The following TJP3 variants were observed in gnomAD, a reference collection of about 807,000 sequenced individuals.
TJP3 encodes the protein tight junction protein ZO-3.
Under a neutral mutation model 104.2 loss-of-function variants are expected in TJP3, and 85 were observed. The ratio of observed to expected loss-of-function variants is 0.82; its 90% CI spans 0.68 to 0.98. The LOEUF is 0.98. Ranked by LOEUF, TJP3 falls within the 50% of genes least tolerant of loss-of-function variation. The probability of loss-of-function intolerance (pLI) is 0.00; values close to 1 mark genes in which losing one functional copy is unlikely to be tolerated. For missense variants in TJP3, 1,367 were observed against 1,322.8 expected (o/e 1.03, Z -0.52); for synonymous variants, 550 against 550.6 (o/e 1.00, Z 0.02).
At position 3,736,255 on chromosome 19, in the gene TJP3, G is replaced by T; in HGVS notation, c.1218G>T (p.Val406=). 1 of 1,563,726 alleles carries T rather than the reference G, an allele frequency of 6.4e-7. No individual in the cohort carries two copies. The change falls in exon 11 of 21, where the codon GTG becomes GTT. Residue 406 remains valine, a synonymous_variant. Transcript: ENST00000541714. The stretch of plus-strand genomic sequence containing the variant: ...GGGGCAATGACGTGGGCATCTTCGT[G>T]TCCGGGGTGCAGGCGGGCAGCCCGG... ...LAGGNDVGIF[V]SGVQAGSPAD... is the part of the protein sequence containing the mutation.
At position 3,746,084 on chromosome 19, in the gene TJP3, A is replaced by C. The variant is rs1343317042; in HGVS notation, c.2010+3A>C. The C allele has an allele frequency of 1.2e-6, 2 of 1,606,450 alleles. No individual in the cohort carries two copies. Among genetic ancestry groups the C allele is most frequent in the Admixed American group, 1.7e-5 (1 of 59,064 alleles). On this transcript the variant is annotated splice_donor_region_variant and intron_variant, in intron 16 of 20. Coordinates refer to ENST00000541714, the MANE Select transcript of TJP3 (RefSeq NM_001267560.2). The surrounding 1 kb of genome is among the most constrained non-coding windows in gnomAD (Gnocchi z 4.1). The stretch of plus-strand genomic sequence containing the variant: ...CCGTGCGGGTGATTGCAGAAAAAGT[A>C]AGCCGGGTCCTGCTACGGGTCCCAT...
In TJP3 at chr19:3,750,430, T is replaced by A. The variant is rs1159829975; in HGVS notation, c.2658-152T>A. 3.9e-6 allele frequency: 3 copies of A among 776,908 alleles called. No homozygotes were observed. In the African/African-American group the frequency reaches 5.2e-5, roughly 14 times the overall value. 48.1% of individuals were successfully genotyped at this position (776,908 alleles called of 1,614,324 possible). ...TGCAGCTGGGGCTTTGAGGGATGCATAGGAGTTTGTTAACAAGGCCCTACC... is the reference window on the plus strand; with the variant it reads ...TGCAGCTGGGGCTTTGAGGGATGCAAAGGAGTTTGTTAACAAGGCCCTACC... On this transcript the variant is annotated intron_variant, in intron 20 of 20. Transcript: ENST00000541714.
At chr19:3,713,784 C>T (rs915461437) in intron 1 of TJP3, among the ~76,000 whole-genome samples, 41 of 151,528 alleles carry the variant, frequency 2.7e-4, no homozygotes, top group Non-Finnish European at 7.4e-5. Context: ...GGCACGATCT[C>T]GGCTCACTGC....
At chr19:3,722,169 C>T (rs892869158) in intron 1 of TJP3, among the ~76,000 whole-genome samples, 2 of 152,346 alleles carry the variant, frequency 1.3e-5, no homozygotes, top group Middle Eastern at 3.4e-3. Context: ...TCCTTTAATA[C>T]CGCAGGGCTG....
Position 3,746,469 on chromosome 19 carries a change from C to T in TJP3, c.2011-16C>T, listed in dbSNP as rs751269188. 7.7e-5 allele frequency: 125 copies of T among 1,613,196 alleles called. No homozygotes were observed. The Middle Eastern group carries it at 1.6e-3, about 21-fold the overall frequency. On this transcript the variant is annotated splice_polypyrimidine_tract_variant and intron_variant, in intron 16 of 20. Coordinates refer to ENST00000541714, the MANE Select transcript of TJP3 (RefSeq NM_001267560.2). This position sits in a 1 kb window ranked among gnomAD's most constrained non-coding sequence, Gnocchi z 4.1. ...CTGCAATCCCCCTCACCCCAACGTC[C>T]GCCGGCCTGGCCCAGGACAAGCATG...
chr19:3,735,767 C>G, intron 9 of TJP3, 102 bp from the exon 10 acceptor site: 1 of 1,573,286 alleles, frequency 6.4e-7, no homozygotes, highest in Non-Finnish European at 8.7e-7. Flanking sequence ...GAGAAGGACT[C>G]GAGGTGGGTG....
At chr19:3,709,363 T>G (rs1318088109) in intron 1 of TJP3, among the ~76,000 whole-genome samples, 1 of 152,210 alleles carries the variant, frequency 6.6e-6, no homozygotes, top group Non-Finnish European at 1.5e-5. Flanking sequence ...CCCAAAGTGC[T>G]GGGATTACAG....
At chr19:3,720,515 CT>C (rs1302136477) in intron 1 of TJP3, among the ~76,000 whole-genome samples, 1 of 152,184 alleles carries the variant, frequency 6.6e-6, no homozygotes, top group African/African-American at 2.4e-5. Context: ...ACTCCTGTCC[CT>C]GCCCAGCCCT....
At chr19:3,739,299 G>T (rs920797486) in intron 13 of TJP3, among the ~76,000 whole-genome samples, 165 bp downstream of exon 13, 1 of 152,166 alleles carries the variant, frequency 6.6e-6, no homozygotes, top group African/African-American at 2.4e-5. Flanking sequence ...AGACCATCCT[G>T]GGCAACATGG....
intron 11 of TJP3, 106 bp downstream of exon 11, chr19:3,736,427 C>T (rs913619703): frequency 1.4e-5 from 17 of 1,187,300 alleles, no homozygotes; most frequent in African/African-American, 1.1e-4. Context: ...TGGGGACTGT[C>T]GAGACCCCAG....
At chr19:3,733,722 C>T (rs767327953) in intron 6 of TJP3, 31 bp from the exon 7 acceptor site, 4 of 1,612,172 alleles carry the variant, frequency 2.5e-6, no homozygotes, top group Admixed American at 3.3e-5. Flanking sequence ...CATTAACTCA[C>T]TTCCGCTCTT....
Position 3,730,152 on chromosome 19 carries a change from TG to T in TJP3, c.261+24del, listed in dbSNP as rs1479837811. ...CATCGTGAGTAGGCAGCCCCTGGCA[TG>T]GCCAGCATCTCTGACCCCAGCCTGG... On this transcript the variant is annotated intron_variant, in intron 4 of 20. Transcript: ENST00000541714. This position sits in a 1 kb window ranked among gnomAD's most constrained non-coding sequence, Gnocchi z 7.3. The T allele has an allele frequency of 6.2e-7, 1 of 1,610,408 alleles. No individual in the cohort carries two copies.
chr19:3,738,792 T>G (rs1448743235), intron 12 of TJP3, 105 bp from the exon 13 acceptor site: 18 of 1,334,600 alleles, frequency 1.3e-5, no homozygotes, highest in Non-Finnish European at 1.9e-5. Flanking sequence ...CCCTGGCCCC[T>G]ACAGGGAGAG....
At position 3,747,735 on chromosome 19, in the gene TJP3, G is replaced by A. The variant is rs551423752; in HGVS notation, c.2323-59G>A. 2.0e-4 allele frequency: 290 copies of A among 1,465,836 alleles called. No homozygotes were observed. In the African/African-American group the frequency reaches 3.6e-3, roughly 18 times the overall value. 90.8% of individuals were successfully genotyped at this position (1,465,836 alleles called of 1,614,324 possible). A position where few individuals can be genotyped will look rare whatever the true frequency, so the allele number is the denominator to read the frequency against. On this transcript the variant is annotated intron_variant, in intron 18 of 20. Transcript: ENST00000541714. ...CAGAGTTTGAAGGTGGGGGGATGTC[G>A]TGGGTGGCAGCTGGGGTCCTGGCCA...
In TJP3 at chr19:3,746,565, C is replaced by T; in HGVS notation, c.2091C>T (p.Phe697=). Residue 697 remains phenylalanine (F), a synonymous_variant, in exon 17 of 21, where the codon TTC becomes TTT. Coordinates refer to ENST00000541714, the MANE Select transcript of TJP3 (RefSeq NM_001267560.2). The surrounding 1 kb of genome is among the most constrained non-coding windows in gnomAD (Gnocchi z 4.1). ...TGCAGTACTACCCCATTGTGGTCTTCTTCATCCCCGAGAGCCGGCCGGCCC... is the reference window on the plus strand; with the variant it reads ...TGCAGTACTACCCCATTGTGGTCTTTTTCATCCCCGAGAGCCGGCCGGCCC... ...NYVQYYPIVV[F]FIPESRPALK... is the part of the protein sequence containing the mutation. 1.9e-6 allele frequency: 3 copies of T among 1,614,058 alleles called. No homozygotes were observed. The highest frequency in any genetic ancestry group is 2.5e-6 in the Non-Finnish European group (3 of 1,180,022).
At chr19:3,721,519 A>C in intron 1 of TJP3, 1 of 172,832 alleles carries the variant, frequency 5.8e-6, no homozygotes. Context: ...CGCGGGGGTT[A>C]TTCCTGCCGG....
At chr19:3,735,708 A>G in intron 9 of TJP3, 69 bp downstream of exon 9, 5 of 1,606,370 alleles carry the variant, frequency 3.1e-6, no homozygotes, top group East Asian at 2.2e-5. Context: ...TGTGCCAGGC[A>G]GAGCTGGGGG....
Position 3,733,664 on chromosome 19 carries a change from T to C in TJP3, c.718-89T>C. On this transcript the variant is annotated intron_variant, in intron 6 of 20. Coordinates refer to ENST00000541714, the MANE Select transcript of TJP3 (RefSeq NM_001267560.2). ...TTTAGCAACCTCTGGGGGAATTGTC[T>C]GTTTCAAGTTCCCCCACACCAGGCT... is the stretch of plus-strand genomic sequence containing the variant. 4 of 1,547,920 alleles carry C rather than the reference T, an allele frequency of 2.6e-6. No homozygotes were observed. The South Asian group carries it at 4.7e-5, about 18-fold the overall frequency.
In TJP3 at chr19:3,716,704, C is replaced by T. The variant is rs1194363270; in HGVS notation, c.-10+8143C>T. Among the ~76,000 whole-genome samples the T allele has an allele frequency of 3.4e-5, 5 of 145,630 alleles. 1 individual carries two copies. The highest frequency in any genetic ancestry group is 6.1e-5 in the Non-Finnish European group (4 of 65,142). On this transcript the variant is annotated intron_variant, in intron 1 of 20. Coordinates refer to ENST00000541714, the MANE Select transcript of TJP3 (RefSeq NM_001267560.2). ...GCAAGGGCAAGATCATGGATCACTGCAGCCTCGACCTCCTGGGCTCAAATG... is the reference window on the plus strand; with the variant it reads ...GCAAGGGCAAGATCATGGATCACTGTAGCCTCGACCTCCTGGGCTCAAATG...
Sources: allele counts gnomAD v4.1 joint callset (sites outside exome capture counted in the v4.1 genomes callset), GRCh38; gene constraint gnomAD v4.1.1; non-coding constraint Gnocchi (gnomAD v3.1); transcripts MANE v1.5; gene names NCBI Gene and HGNC (gene_info 2026-07-23, HGNC 2026-07-21).